The following CYP4F22 variants were observed in gnomAD, a reference collection of about 807,000 sequenced individuals.
The protein encoded by CYP4F22 is ultra-long-chain fatty acid omega-hydroxylase.
CYP4F22 carries 37 observed loss-of-function variants against 60.4 expected under a neutral mutation model. The observed-to-expected ratio is 0.61, with a 90% CI of 0.47 to 0.81. CYP4F22 has a LOEUF of 0.81. Among genes scored for constraint, CYP4F22 ranks in the 30% least tolerant of loss-of-function variants. The probability of loss-of-function intolerance (pLI) is 0.00; values close to 1 mark genes in which losing one functional copy is unlikely to be tolerated. For missense variants in CYP4F22, 655 were observed against 715.0 expected, an observed-to-expected ratio of 0.92 and a Z score of 0.96; for synonymous variants, 258 against 280.5, an observed-to-expected ratio of 0.92 and a Z score of 0.80.
In CYP4F22 at chr19:15,537,670, C is replaced by T. The variant is rs370400762; in HGVS notation, c.549+8C>T. The T allele has an allele frequency of 1.8e-5, 29 of 1,611,430 alleles. No individual in the cohort carries two copies. Among genetic ancestry groups the T allele is most frequent in the African/African-American group, 1.5e-4 (11 of 74,910 alleles). On this transcript the variant is annotated splice_region_variant and intron_variant, in intron 6 of 13. Transcript: ENST00000269703. ...AGCGCTGACATTATGCATGTGAGTC[C>T]TAAGGCTTTGAGGGAAGAGGGTGTC...
intron 4 of CYP4F22, among the ~76,000 whole-genome samples, chr19:15,532,309 T>TCTTCTC (rs993672706): frequency 6.7e-6 from 1 of 149,742 alleles, no homozygotes; most frequent in African/African-American, 2.5e-5. Flanking sequence ...ACTTCTTTCT[T>TCTTCTC]CTTCTCCTTC....
intron 4 of CYP4F22, 152 bp downstream of exon 4, chr19:15,530,005 G>C (rs1971325612): frequency 1.8e-5 from 20 of 1,112,794 alleles, no homozygotes; most frequent in Non-Finnish European, 2.7e-5. Flanking sequence ...TGGCAATCCA[G>C]ATTGTGAGAA....
At chr19:15,529,969 T>G in intron 4 of CYP4F22, 116 bp downstream of exon 4, 1 of 1,445,166 alleles carries the variant, frequency 6.9e-7, no homozygotes, top group Admixed American at 1.7e-5. Context: ...CTTTGAAGGA[T>G]GAATAAGAGT....
chr19:15,510,966 A>ATATATATTTTTTT (rs34055543), intron 1 of CYP4F22, among the ~76,000 whole-genome samples: 6 of 103,306 alleles, frequency 5.8e-5, no homozygotes, highest in African/African-American at 2.8e-4. Flanking sequence ...ATATATATAT[A>ATATATATTTTTTT]TTTTTTTTTT....
intron 1 of CYP4F22, among the ~76,000 whole-genome samples, chr19:15,514,519 C>CTTA (rs1432662037): frequency 2.6e-5 from 4 of 152,034 alleles, no homozygotes; most frequent in African/African-American, 7.2e-5. Flanking sequence ...AACCCCGTCT[C>CTTA]TATTAAAAGT....
At chr19:15,511,644 C>T (rs971133245) in intron 1 of CYP4F22, among the ~76,000 whole-genome samples, 2 of 152,130 alleles carry the variant, frequency 1.3e-5, no homozygotes, top group African/African-American at 4.8e-5. Context: ...GCCTTGACTA[C>T]AGGCTTGGAG....
intron 4 of CYP4F22, among the ~76,000 whole-genome samples, chr19:15,533,944 A>T (rs1353857075): frequency 1.3e-5 from 2 of 151,702 alleles, no homozygotes; most frequent in Non-Finnish European, 2.9e-5. Context: ...ATATGTTTTC[A>T]TTTCTCTCTT....
chr19:15,510,322 A>G (rs544401378), intron 1 of CYP4F22, among the ~76,000 whole-genome samples: 1 of 152,156 alleles, frequency 6.6e-6, no homozygotes, highest in East Asian at 1.9e-4. Flanking sequence ...GATTCTCCAA[A>G]CCCCAGATGG....
chr19:15,547,306 G>C (rs1453645618), intron 10 of CYP4F22, among the ~76,000 whole-genome samples: 1 of 152,050 alleles, frequency 6.6e-6, no homozygotes, highest in Non-Finnish European at 1.5e-5. Flanking sequence ...TTACAGGCGA[G>C]AGCCACCACA....
At chr19:15,512,465 C>T (rs1971103314) in intron 1 of CYP4F22, among the ~76,000 whole-genome samples, 1 of 152,066 alleles carries the variant, frequency 6.6e-6, no homozygotes, top group African/African-American at 2.4e-5. Context: ...ACCACCATGC[C>T]CAGCTATTTC....
At chr19:15,537,290 G>A (rs889752963) in intron 4 of CYP4F22, 71 bp from the exon 5 acceptor site, 1 of 1,585,294 alleles carries the variant, frequency 6.3e-7, no homozygotes, top group Non-Finnish European at 8.6e-7. Context: ...GACAGAGCAA[G>A]ACTCCGTAAA....
At chr19:15,519,875 C>T (rs1971200965) in intron 1 of CYP4F22, among the ~76,000 whole-genome samples, 1 of 152,134 alleles carries the variant, frequency 6.6e-6, no homozygotes, top group African/African-American at 2.4e-5. Context: ...GAAAAGGTCA[C>T]ACTGGTGTGG....
chr19:15,514,554 C>T (rs889613353), intron 1 of CYP4F22, among the ~76,000 whole-genome samples: 2 of 152,062 alleles, frequency 1.3e-5, no homozygotes, highest in African/African-American at 4.8e-5. Flanking sequence ...GGTGTGGTGG[C>T]CCAGCTACTC....
At chr19:15,509,740 T>C (rs1390529980) in intron 1 of CYP4F22, among the ~76,000 whole-genome samples, 1 of 152,076 alleles carries the variant, frequency 6.6e-6, no homozygotes, top group Admixed American at 6.6e-5. Flanking sequence ...ATGGCCCAGC[T>C]TGGGTTTCTG....
chr19:15,545,255 A>C (rs563496817), intron 10 of CYP4F22, among the ~76,000 whole-genome samples: 1 of 152,210 alleles, frequency 6.6e-6, no homozygotes, highest in Non-Finnish European at 1.5e-5. Context: ...GGGTACAGGT[A>C]TATAATTCTA....
At chr19:15,526,283 T>C (rs146780661) in intron 3 of CYP4F22, among the ~76,000 whole-genome samples, 112 of 152,274 alleles carry the variant, frequency 7.4e-4, no homozygotes, top group African/African-American at 2.6e-3. Flanking sequence ...GGGGAACACA[T>C]CCTATTCCCA....
At chr19:15,540,328 GT>G (rs1427856686) in intron 7 of CYP4F22, 121 bp from the exon 8 acceptor site, 1 of 1,189,460 alleles carries the variant, frequency 8.4e-7, no homozygotes, top group Non-Finnish European at 1.2e-6. Flanking sequence ...TAAAAATAGA[GT>G]TAATATAGGG....
At chr19:15,548,336 C>T (rs991011599) in intron 11 of CYP4F22, 95 bp downstream of exon 11, 3 of 1,565,454 alleles carry the variant, frequency 1.9e-6, no homozygotes, top group Admixed American at 1.7e-5. Flanking sequence ...GCCCCAGGTG[C>T]ACTATCCCTG....
chr19:15,530,756 A>G (rs964723606), intron 4 of CYP4F22, among the ~76,000 whole-genome samples: 1 of 152,136 alleles, frequency 6.6e-6, no homozygotes, highest in Non-Finnish European at 1.5e-5. Flanking sequence ...ATTCACTATC[A>G]TGGGAACAGC....
Sources: allele counts gnomAD v4.1 joint callset (sites outside exome capture counted in the v4.1 genomes callset), GRCh38; gene constraint gnomAD v4.1.1; transcripts MANE v1.5; gene names NCBI Gene and HGNC (gene_info 2026-07-23, HGNC 2026-07-21).